SPICE1: variants seen among roughly 807,000 people sequenced by gnomAD.
SPICE1 encodes the protein spindle and centriole-associated protein 1.
Under a neutral mutation model 102.7 loss-of-function variants are expected in SPICE1, and 75 were observed. The ratio of observed to expected loss-of-function variants is 0.73; its 90% CI spans 0.61 to 0.88. The LOEUF is 0.88. SPICE1 is among the 40% of genes least tolerant of loss of function. The pLI is 0.00. For missense variants in SPICE1, 979 were observed against 1,020.1 expected (o/e 0.96, Z 0.55); for synonymous variants, 308 against 350.3 (o/e 0.88, Z 1.35).
intron 7 of SPICE1, among the ~76,000 whole-genome samples, chr3:113,481,213 G>A (rs527485136): frequency 1.3e-5 from 2 of 152,086 alleles, no homozygotes; most frequent in Non-Finnish European, 2.9e-5. Flanking sequence ...AGAATATCAA[G>A]GCAACACATG....
intron 11 of SPICE1, 91 bp from the exon 12 acceptor site, chr3:113,460,855 T>C: frequency 8.5e-7 from 1 of 1,176,510 alleles, no homozygotes. Context: ...ATACGTGTGT[T>C]TAATATCATA....
At chr3:113,447,685 C>T (rs1273297813) in intron 16 of SPICE1, among the ~76,000 whole-genome samples, 1 of 152,096 alleles carries the variant, frequency 6.6e-6, no homozygotes, top group East Asian at 1.9e-4. Context: ...AGACAAATCA[C>T]CCAATTAACT....
intron 6 of SPICE1, among the ~76,000 whole-genome samples, chr3:113,491,907 T>C (rs1437305691): frequency 6.6e-6 from 1 of 152,224 alleles, no homozygotes; most frequent in Non-Finnish European, 1.5e-5. Context: ...AGTGTGCGAA[T>C]GGACTCTTCA....
chr3:113,469,006 C>G, intron 8 of SPICE1, 93 bp downstream of exon 8: 1 of 1,558,972 alleles, frequency 6.4e-7, no homozygotes, highest in Non-Finnish European at 8.7e-7. Context: ...CAAAGGCAGT[C>G]AAAACTCAAA....
chr3:113,473,747 G>T (rs1400746982), intron 7 of SPICE1, among the ~76,000 whole-genome samples: 1 of 151,398 alleles, frequency 6.6e-6, no homozygotes, highest in Non-Finnish European at 1.5e-5. Context: ...GAGAGATTTT[G>T]TCACCACCAG....
rs371724519 is a variant in SPICE1 at position 113,506,181 on chromosome 3, A to C, written c.99+326T>G. ...CGAAAAATTCACAGACTTCATTGAC[A>C]CCAGTGAGCTAGAGTTGCCTTTATG... On this transcript the variant is annotated intron_variant, in intron 2 of 17. Transcript: ENST00000295872. Among the ~76,000 whole-genome samples the C allele has an allele frequency of 7.2e-5, 11 of 152,324 alleles. No individual in the cohort carries two copies. The East Asian group carries it at 2.1e-3, about 29-fold the overall frequency.
intron 13 of SPICE1, 48 bp from the exon 14 acceptor site, chr3:113,453,998 G>A: frequency 6.8e-7 from 1 of 1,473,336 alleles, no homozygotes; most frequent in Non-Finnish European, 9.1e-7. Context: ...TTTTCCCATA[G>A]ATTGGCACTA....
chr3:113,499,336 A>G (rs1936962566), intron 4 of SPICE1, 103 bp downstream of exon 4: 1 of 1,221,482 alleles, frequency 8.2e-7, no homozygotes, highest in South Asian at 1.7e-5. Flanking sequence ...ATAAGAATGC[A>G]GTGATTACTA....
intron 7 of SPICE1, among the ~76,000 whole-genome samples, chr3:113,469,651 T>C (rs985379621): frequency 6.6e-6 from 1 of 151,694 alleles, no homozygotes; most frequent in African/African-American, 2.4e-5. Context: ...TAGTAATTCA[T>C]AGTCAAAGAA....
At chr3:113,497,122 G>C (rs1299463864) in intron 4 of SPICE1, among the ~76,000 whole-genome samples, 1 of 152,200 alleles carries the variant, frequency 6.6e-6, no homozygotes, top group Non-Finnish European at 1.5e-5. Flanking sequence ...ATATATGCCA[G>C]AACTTCTGGG....
At chr3:113,488,881 CA>C (rs1936702325) in intron 7 of SPICE1, 63 bp downstream of exon 7, 8 of 907,780 alleles carry the variant, frequency 8.8e-6, no homozygotes, top group African/African-American at 1.7e-5. Context: ...ATGCAATAGG[CA>C]AACATTGAAA....
intron 7 of SPICE1, among the ~76,000 whole-genome samples, chr3:113,484,287 G>A (rs573257018): frequency 3.3e-5 from 5 of 151,368 alleles, no homozygotes; most frequent in Admixed American, 2.6e-4. Context: ...TTCTTTATTA[G>A]TCTGGCTACC....
intron 7 of SPICE1, among the ~76,000 whole-genome samples, chr3:113,481,631 T>C (rs142214801): frequency 0.023 from 3,424 of 151,842 alleles, 51 homozygotes; most frequent in Non-Finnish European, 0.036. Flanking sequence ...TGTGTTCTCA[T>C]TGTTCAACTC....
intron 7 of SPICE1, among the ~76,000 whole-genome samples, chr3:113,469,578 T>TA (rs1936149455): frequency 6.7e-6 from 1 of 148,814 alleles, no homozygotes; most frequent in Non-Finnish European, 1.5e-5. Flanking sequence ...TTAATTTATA[T>TA]AAAAAATAGG....
At chr3:113,496,451 T>C (rs1936887698) in intron 4 of SPICE1, among the ~76,000 whole-genome samples, 3 of 152,158 alleles carry the variant, frequency 2.0e-5, no homozygotes, top group Admixed American at 2.0e-4. Flanking sequence ...AAACTCGTCA[T>C]CTTAGCCCTT....
chr3:113,488,602 G>C (rs912355361), intron 7 of SPICE1, among the ~76,000 whole-genome samples: 4 of 152,146 alleles, frequency 2.6e-5, no homozygotes, highest in Non-Finnish European at 4.4e-5. Flanking sequence ...ACTCAGAAGG[G>C]GGAGGGCGGG....
chr3:113,452,174 C>T (rs1935668004), intron 14 of SPICE1, among the ~76,000 whole-genome samples: 1 of 152,182 alleles, frequency 6.6e-6, no homozygotes, highest in African/African-American at 2.4e-5. Flanking sequence ...CAGGTTAGCC[C>T]ACAAAGTTTA....
intron 7 of SPICE1, among the ~76,000 whole-genome samples, chr3:113,484,739 G>C (rs765111195): frequency 1.7e-4 from 26 of 151,198 alleles, no homozygotes; most frequent in Admixed American, 3.9e-4. Flanking sequence ...TGTGGTCGGA[G>C]AGACTGTTTG....
chr3:113,468,642 T>C, intron 9 of SPICE1, 120 bp downstream of exon 9: 2 of 1,258,246 alleles, frequency 1.6e-6, no homozygotes, highest in East Asian at 2.4e-5. Flanking sequence ...TACCATTCAA[T>C]AAACTTTCAG....
Sources: gnomAD v4.1 joint callset for allele counts (sites outside exome capture counted in the v4.1 genomes callset) on GRCh38, gnomAD v4.1.1 for gene constraint, MANE v1.5 for transcripts, NCBI Gene and HGNC (gene_info 2026-07-23, HGNC 2026-07-21) for gene names.